The following BRD9 variants were observed in gnomAD, a reference collection of about 807,000 sequenced individuals.
The protein encoded by BRD9 is bromodomain-containing protein 9.
BRD9 carries 47 observed loss-of-function variants against 68.7 expected under a neutral mutation model. That is an observed-to-expected ratio of 0.68 (90% CI 0.54 to 0.87). The LOEUF (loss-of-function observed/expected upper bound fraction) is 0.87. Ranked by LOEUF, BRD9 falls within the 40% of genes least tolerant of loss-of-function variation. BRD9 has a pLI of 0.00. For missense variants in BRD9, 670 were observed against 748.4 expected (o/e 0.90, Z 1.22); for synonymous variants, 313 against 293.9 (o/e 1.06, Z -0.67).
intron 9 of BRD9, among the ~76,000 whole-genome samples, chr5:880,595 T>A (rs1264192158): frequency 6.6e-6 from 1 of 152,110 alleles, no homozygotes; most frequent in African/African-American, 2.4e-5. Context: ...ACCCAAGTGA[T>A]CACACTTTCG....
chr5:886,873 G>C lies in BRD9; in HGVS notation c.718-166C>G. 13 of 1,260,602 alleles carry C rather than the reference G, an allele frequency of 1.0e-5. No individual in the cohort carries two copies. The South Asian group carries it at 1.8e-4, about 17-fold the overall frequency. The allele number at this position is 1,260,602 out of a possible 1,614,324, so 78.1% of individuals were successfully genotyped here. A position where few individuals can be genotyped will look rare whatever the true frequency, so the allele number is the denominator to read the frequency against. On this transcript the variant is annotated intron_variant, in intron 6 of 15. Coordinates refer to ENST00000467963, the MANE Select transcript of BRD9 (RefSeq NM_023924.5). ...ATGGTCACAGCCTCACCTGGCCTAA[G>C]AGCTAACTTTCCACGGCGGAGCAGC...
At chr5:891,582 C>T in intron 2 of BRD9, 58 bp downstream of exon 2, 1 of 1,530,252 alleles carries the variant, frequency 6.5e-7, no homozygotes, top group Non-Finnish European at 8.8e-7. Context: ...GTCCTGGGAC[C>T]AGGCTCCCCA....
chr5:867,827 G>C (rs1749577209), intron 14 of BRD9, among the ~76,000 whole-genome samples: 1 of 152,240 alleles, frequency 6.6e-6, no homozygotes, highest in Non-Finnish European at 1.5e-5. Flanking sequence ...TCTCAGATAA[G>C]ACTTTGGACT....
intron 14 of BRD9, among the ~76,000 whole-genome samples, chr5:869,926 C>T (rs1169831148): frequency 6.6e-6 from 1 of 152,248 alleles, no homozygotes; most frequent in Non-Finnish European, 1.5e-5. Context: ...GGGACTGTGT[C>T]ACAGCCACGG....
Position 867,546 on chromosome 5 carries a change from G to C in BRD9, c.1526-1965C>G, listed in dbSNP as rs1327163027. 2.0e-5 allele frequency among the ~76,000 whole-genome samples: 3 copies of C among 152,270 alleles called. 1 individual carries two copies. In the South Asian group the frequency reaches 6.2e-4, roughly 32 times the overall value. ...AGGCTGTACCCTGCAGAGCCACAAGGGCGGGGCTGCCCAAGGCCGTGGGAG... is the reference window on the plus strand; with the variant it reads ...AGGCTGTACCCTGCAGAGCCACAAGCGCGGGGCTGCCCAAGGCCGTGGGAG... On this transcript the variant is annotated intron_variant, in intron 14 of 15. Coordinates refer to ENST00000467963, the MANE Select transcript of BRD9 (RefSeq NM_023924.5).
In BRD9 at chr5:876,154, G is replaced by C. The variant is rs1314431360; in HGVS notation, c.1330C>G (p.Leu444Val). 2 of 1,613,682 alleles carry C rather than the reference G, an allele frequency of 1.2e-6. No homozygotes were observed. The highest frequency in any genetic ancestry group is 1.3e-5 in the African/African-American group (1 of 74,854). The change falls in exon 12 of 16, where the codon CTG (leucine) becomes GTG (valine). Residue 444 changes from leucine to valine, a missense_variant. Leu to Val is a conservative substitution (Grantham distance 32). Transcript: ENST00000467963. ...SYSKKVVDDL[L>V]DQITGGDHSR... The stretch of plus-strand genomic sequence containing the variant: ...TGGTCTCCGCCTGTGATCTGGTCCA[G>C]GAGGTCGTCCACCACTTTCTTGCTG...
intron 12 of BRD9, among the ~76,000 whole-genome samples, chr5:875,656 T>G (rs1192155435): frequency 6.6e-6 from 1 of 152,154 alleles, no homozygotes; most frequent in Non-Finnish European, 1.5e-5. Context: ...CCAGATGCTT[T>G]TTTATAGCAA....
At position 878,343 on chromosome 5, in the gene BRD9, G is replaced by T. The variant is rs1201627155; in HGVS notation, c.1271+12C>A. 7 of 1,612,996 alleles carry T rather than the reference G, an allele frequency of 4.3e-6. No individual in the cohort carries two copies. The highest frequency in any genetic ancestry group is 1.7e-5 in the Admixed American group (1 of 60,030). On this transcript the variant is annotated intron_variant, in intron 11 of 15. Coordinates refer to ENST00000467963, the MANE Select transcript of BRD9 (RefSeq NM_023924.5). ...GCACAGCAGCCAAGGGCTCCCCGGG[G>T]CCGACACTTGCCTCAGCGCACACTG...
intron 15 of BRD9, 126 bp from the exon 16 acceptor site, chr5:864,694 C>A: frequency 1.4e-6 from 1 of 729,620 alleles, no homozygotes; most frequent in Non-Finnish European, 2.3e-6. Context: ...GACACAGGGG[C>A]ACCTCTCACT....
chr5:884,198 T>C, intron 7 of BRD9, 128 bp from the exon 8 acceptor site: 1 of 1,149,090 alleles, frequency 8.7e-7, no homozygotes, highest in Non-Finnish European at 1.2e-6. Context: ...AGAGCATACT[T>C]AACTCCTTTT....
At chr5:883,395 G>A (rs563757551) in intron 8 of BRD9, 4 of 456,976 alleles carry the variant, frequency 8.8e-6, no homozygotes, top group South Asian at 4.6e-5. Context: ...GGAAGCCTGA[G>A]ACTGCAGACA....
chr5:871,379 A>G, intron 13 of BRD9, 147 bp downstream of exon 13: 1 of 736,266 alleles, frequency 1.4e-6, no homozygotes, highest in East Asian at 2.5e-5. Flanking sequence ...TGAAAAGAGG[A>G]GGAGAAACAC....
rs1751749677 is a variant in BRD9, at chr5:881,470, C to A, written c.967-288G>T. On this transcript the variant is annotated intron_variant, in intron 8 of 15. Transcript: ENST00000467963. ...TAAACATTTAAAATTGCTCATGAGC[C>A]TTGACAAAATGGAACGGTCAGCAGG... is the stretch of plus-strand genomic sequence containing the variant. 2 of 494,776 alleles carry A rather than the reference C, an allele frequency of 4.0e-6. 1 individual carries two copies. Among genetic ancestry groups the A allele is most frequent in the East Asian group, 7.3e-5 (2 of 27,242 alleles). The allele number at this position is 494,776 out of a possible 1,614,324, so 30.6% of individuals were successfully genotyped here. A position where few individuals can be genotyped will look rare whatever the true frequency, so the allele number is the denominator to read the frequency against.
At position 877,951 on chromosome 5, in the gene BRD9, C is replaced by G. The variant is rs116498158; in HGVS notation, c.1271+404G>C. On this transcript the variant is annotated intron_variant, in intron 11 of 15. Transcript: ENST00000467963. ...AGACGGAAAGACGGCACCTGCAGGC[C>G]CAGGAGAGAGGGCTCGGGAGGAACC... Among the ~76,000 whole-genome samples, 1,102 of 152,282 alleles carry G rather than the reference C, an allele frequency of 7.2e-3. 9 individuals carry two copies. The highest frequency in any genetic ancestry group is 0.01 in the Non-Finnish European group (702 of 68,022).
Position 876,088 on chromosome 5 carries a change from G to A in BRD9, c.1383+13C>T, listed in dbSNP as rs761717147. On this transcript the variant is annotated intron_variant, in intron 12 of 15. Transcript: ENST00000467963. The stretch of plus-strand genomic sequence containing the variant: ...GGCACCTGCCCCCCAACCCCGGTGC[G>A]AGTGCAGCCCACCTGCTTCAGCTGG... 1.5e-5 allele frequency: 24 copies of A among 1,594,332 alleles called. No homozygotes were observed. Among genetic ancestry groups the A allele is most frequent in the South Asian group, 7.7e-5 (7 of 90,596 alleles).
At chr5:883,183 T>C (rs1560917803) in intron 8 of BRD9, 2 of 382,604 alleles carry the variant, frequency 5.2e-6, no homozygotes, top group Middle Eastern at 4.8e-4. Context: ...AGCAGACACC[T>C]CTGAAATGCC....
At chr5:869,401 G>A (rs1749813690) in intron 14 of BRD9, 1 of 454,556 alleles carries the variant, frequency 2.2e-6, no homozygotes, top group East Asian at 7.0e-5. Context: ...GGCCCTGAAA[G>A]AAACTGAGTA....
At chr5:874,791 G>A (rs1023190293) in intron 12 of BRD9, among the ~76,000 whole-genome samples, 1 of 152,330 alleles carries the variant, frequency 6.6e-6, no homozygotes, top group Admixed American at 6.5e-5. Flanking sequence ...ACAGGTTCAG[G>A]TGTGGCCAGA....
rs764133956 is a variant in BRD9, at chr5:889,792, T to C, written c.401-145A>G. Reference sequence around the variant, plus strand: ...CTGGGGATATAAAGATACATCCGACTCAGCCTTGGCTCCCACCAAGCTCAG... The same window carrying C: ...CTGGGGATATAAAGATACATCCGACCCAGCCTTGGCTCCCACCAAGCTCAG... On this transcript the variant is annotated intron_variant, in intron 3 of 15. Coordinates refer to ENST00000467963, the MANE Select transcript of BRD9 (RefSeq NM_023924.5). 6 of 1,473,364 alleles carry C rather than the reference T, an allele frequency of 4.1e-6. No individual in the cohort carries two copies. The Admixed American group carries it at 6.0e-5, about 15-fold the overall frequency. 91.3% of individuals were successfully genotyped at this position (1,473,364 alleles called of 1,614,324 possible).
Sources: allele counts gnomAD v4.1 joint callset (sites outside exome capture counted in the v4.1 genomes callset), GRCh38; gene constraint gnomAD v4.1.1; transcripts MANE v1.5; gene names NCBI Gene and HGNC (gene_info 2026-07-23, HGNC 2026-07-21).